The following FGF14 variants were observed in gnomAD, a reference collection of about 807,000 sequenced individuals.
FGF14 encodes the protein fibroblast growth factor homologous factor 4.
A neutral mutation model predicts 25.5 loss-of-function variants in FGF14; 5 were observed. The ratio of observed to expected loss-of-function variants is 0.20; its 90% CI spans 0.10 to 0.41. The LOEUF is 0.41. Ranked by LOEUF, FGF14 falls within the 10% of genes least tolerant of loss-of-function variation. The pLI, the probability that FGF14 is intolerant of heterozygous loss-of-function variation, is 1.00. For synonymous variants in FGF14, 138 were observed against 118.3 expected (o/e 1.17, Z -1.08); for missense variants, 222 against 320.1 (o/e 0.69, Z 2.34).
At chr13:102,310,975 C>T (rs1018936175) in intron 1 of FGF14, among the ~76,000 whole-genome samples, 6 of 151,972 alleles carry the variant, frequency 3.9e-5, no homozygotes, top group East Asian at 1.9e-4. Flanking sequence ...ACACCAGCAT[C>T]GCCTCTGTTA....
intron 1 of FGF14, among the ~76,000 whole-genome samples, chr13:101,879,261 C>T (rs550673048): frequency 1.2e-4 from 18 of 152,136 alleles, no homozygotes; most frequent in South Asian, 4.1e-4. Flanking sequence ...TTACTAAAAA[C>T]GTTTTGAAGA....
At chr13:102,224,821 T>C (rs1456818975) in intron 1 of FGF14, among the ~76,000 whole-genome samples, 2 of 152,160 alleles carry the variant, frequency 1.3e-5, no homozygotes, top group East Asian at 3.8e-4. Flanking sequence ...ATCATGGCTG[T>C]CTTAAAAGAT....
chr13:102,189,058 A>C (rs1180469991), intron 1 of FGF14, among the ~76,000 whole-genome samples: 1 of 118,592 alleles, frequency 8.4e-6, no homozygotes, highest in Non-Finnish European at 1.8e-5. Flanking sequence ...GAATGAAAGA[A>C]GAAAAGAAAG....
At chr13:102,351,329 A>G (rs1409875912) in intron 1 of FGF14, among the ~76,000 whole-genome samples, 1 of 152,122 alleles carries the variant, frequency 6.6e-6, no homozygotes, top group African/African-American at 2.4e-5. Flanking sequence ...CTCTAATTAA[A>G]TGTGCTTTCT....
rs929303339 is a variant in FGF14, at chr13:101,714,696, G to C, written c.*8135C>G. The C allele has an allele frequency of 6.5e-6, 4 of 614,624 alleles. No individual in the cohort carries two copies. Among genetic ancestry groups the C allele is most frequent in the Non-Finnish European group, 1.2e-5 (4 of 341,742 alleles). 38.1% of individuals were successfully genotyped at this position (614,624 alleles called of 1,614,324 possible). ...CTACCAAAGGCGAAGTGGGCATTTG[G>C]GAAAAAGCCCTCACAAAAGCCTCAC... On this transcript the variant is annotated 3_prime_UTR_variant, in exon 5 of 5. Transcript: ENST00000376143.
At chr13:102,028,059 T>C (rs1024341626) in intron 1 of FGF14, among the ~76,000 whole-genome samples, 2 of 152,040 alleles carry the variant, frequency 1.3e-5, no homozygotes, top group Admixed American at 1.3e-4. Flanking sequence ...TGTCTGTTCT[T>C]GATGGTACAA....
intron 1 of FGF14, among the ~76,000 whole-genome samples, chr13:102,202,927 G>A (rs1566812971): frequency 6.6e-6 from 1 of 152,258 alleles, no homozygotes; most frequent in South Asian, 2.1e-4. Context: ...GGAGCCCACA[G>A]GCCTCGATAC....
intron 1 of FGF14, among the ~76,000 whole-genome samples, chr13:102,394,142 C>T (rs940181459): frequency 6.6e-6 from 1 of 152,248 alleles, no homozygotes; most frequent in African/African-American, 2.4e-5. Flanking sequence ...GAGACCAGAA[C>T]TTGGCTCGTT....
intron 1 of FGF14, chr13:101,967,843 T>C (rs2037314401): frequency 6.5e-6 from 1 of 153,218 alleles, no homozygotes; most frequent in South Asian, 2.1e-4. Flanking sequence ...CCCAATAAAT[T>C]CCTGCTGCCT....
chr13:102,237,585 G>GA (rs3066871), intron 1 of FGF14, among the ~76,000 whole-genome samples: 23,781 of 135,494 alleles, frequency 0.18, 2,167 homozygotes, highest in Non-Finnish European at 0.21. Flanking sequence ...TTACACTTCA[G>GA]AAAAAAAAAA....
At chr13:102,157,721 A>G (rs1298676467) in intron 1 of FGF14, among the ~76,000 whole-genome samples, 1 of 152,240 alleles carries the variant, frequency 6.6e-6, no homozygotes, top group African/African-American at 2.4e-5. Context: ...GCTTCTGTTC[A>G]GAGTGAATAG....
intron 1 of FGF14, among the ~76,000 whole-genome samples, chr13:102,245,735 C>T (rs1450662609): frequency 6.6e-6 from 1 of 151,930 alleles, no homozygotes; most frequent in Non-Finnish European, 1.5e-5. Context: ...AAGCACACTG[C>T]GTGTGTTGAG....
intron 1 of FGF14, among the ~76,000 whole-genome samples, chr13:102,151,975 T>C (rs756460210): frequency 4.6e-5 from 7 of 152,190 alleles, no homozygotes; most frequent in Non-Finnish European, 8.8e-5. Context: ...CCCATTTTAC[T>C]GCTGAGGAGA....
intron 1 of FGF14, among the ~76,000 whole-genome samples, chr13:102,305,328 A>G (rs2055314939): frequency 6.6e-6 from 1 of 152,102 alleles, no homozygotes; most frequent in Admixed American, 6.6e-5. Context: ...TTAAACTTTA[A>G]ACTCTGAACT....
At chr13:102,005,072 T>C (rs916739884) in intron 1 of FGF14, among the ~76,000 whole-genome samples, 5 of 152,190 alleles carry the variant, frequency 3.3e-5, no homozygotes, top group Non-Finnish European at 7.3e-5. Flanking sequence ...AAAGAAGAGA[T>C]TGCATTAGGA....
chr13:102,328,220 G>T (rs1246932504), intron 1 of FGF14, among the ~76,000 whole-genome samples: 1 of 152,134 alleles, frequency 6.6e-6, no homozygotes, highest in African/African-American at 2.4e-5. Flanking sequence ...CCATCTTGAA[G>T]GTTGAAGTTC....
chr13:102,348,644 G>A (rs1006625181), intron 1 of FGF14, among the ~76,000 whole-genome samples: 6 of 152,174 alleles, frequency 3.9e-5, no homozygotes, highest in Admixed American at 1.3e-4. Context: ...AAAATGTGAC[G>A]TCTTTGCAAT....
intron 1 of FGF14, among the ~76,000 whole-genome samples, chr13:102,175,394 GA>G (rs1266272361): frequency 6.6e-6 from 1 of 151,994 alleles, no homozygotes. Flanking sequence ...GCTATACATA[GA>G]AGAACAAAAC....
chr13:101,838,061 G>T (rs921659586), intron 3 of FGF14, among the ~76,000 whole-genome samples: 3 of 151,962 alleles, frequency 2.0e-5, no homozygotes, highest in Admixed American at 2.0e-4. Context: ...TTGGGATTCG[G>T]ACTGGCTTCC....
Sources: gnomAD v4.1 joint callset for allele counts (sites outside exome capture counted in the v4.1 genomes callset) on GRCh38, gnomAD v4.1.1 for gene constraint, MANE v1.5 for transcripts, NCBI Gene and HGNC (gene_info 2026-07-23, HGNC 2026-07-21) for gene names.